VCAN: variants seen among roughly 807,000 people sequenced by gnomAD.
The protein encoded by VCAN is versican, also known as versican core protein.
Under a neutral mutation model 245.5 loss-of-function variants are expected in VCAN, and 44 were observed. That is an observed-to-expected ratio of 0.18 (90% confidence interval 0.14 to 0.23). VCAN has a LOEUF of 0.23. Among genes scored for constraint, VCAN ranks in the 10% least tolerant of loss-of-function variants. The pLI, the probability that VCAN is intolerant of heterozygous loss-of-function variation, is 1.00. For missense variants in VCAN, 3,793 were observed against 4,057.9 expected, an observed-to-expected ratio of 0.93 and a Z score of 1.77; for synonymous variants, 1,413 against 1,437.0, an observed-to-expected ratio of 0.98 and a Z score of 0.38.
chr5:83,541,359 C>G lies in VCAN; in HGVS notation c.8356C>G (p.His2786Asp). Residue 2786 changes from histidine (H) to aspartate (D), a missense_variant, in exon 8 of 15, where the codon CAC (histidine) becomes GAC (aspartate). Transcript: ENST00000265077. ...TCCCTATCTAAGTATTGCTACTACCCACCTTATGGATCAGAGTGTAACAGA... is the reference window on the plus strand; with the variant it reads ...TCCCTATCTAAGTATTGCTACTACCGACCTTATGGATCAGAGTGTAACAGA... ...HTPYLSIATTHLMDQSVTEVP... is the reference protein window; with the variant it reads ...HTPYLSIATTDLMDQSVTEVP... The G allele has an allele frequency of 6.2e-7, 1 of 1,614,112 alleles. No homozygotes were observed. The highest frequency in any genetic ancestry group is 2.2e-5 in the East Asian group (1 of 44,870).
chr5:83,575,329 C>G lies in VCAN; in HGVS notation c.9880+2769C>G, dbSNP rs76596629. Among the ~76,000 whole-genome samples, 358 of 152,242 alleles carry G rather than the reference C, an allele frequency of 2.4e-3. 2 individuals are homozygous for G. The highest frequency in any genetic ancestry group is 7.9e-3 in the African/African-American group (329 of 41,562). On this transcript the variant is annotated intron_variant, in intron 13 of 14. Transcript: ENST00000265077. ...TTTCTACATGAGAAGCTTTCCTGAC[C>G]ATGTCCCTTACTTCAGCACCTCTGC...
intron 5 of VCAN, among the ~76,000 whole-genome samples, chr5:83,502,857 G>C (rs556328962): frequency 6.6e-6 from 1 of 152,094 alleles, no homozygotes; most frequent in East Asian, 1.9e-4. Flanking sequence ...TAATACAAGG[G>C]AGAAATTTGG....
chr5:83,564,324 G>A (rs921484253), intron 12 of VCAN, among the ~76,000 whole-genome samples: 6 of 152,036 alleles, frequency 3.9e-5, no homozygotes, highest in South Asian at 2.1e-4. Context: ...CCTAGTGGTC[G>A]TATTGTATTT....
In VCAN at chr5:83,541,400, G is replaced by A. The variant is rs763831571; in HGVS notation, c.8397G>A (p.Met2799Ile). 1 of 1,614,044 alleles carries A rather than the reference G, an allele frequency of 6.2e-7. No homozygotes were observed. The highest frequency in any genetic ancestry group is 8.5e-7 in the Non-Finnish European group (1 of 1,179,978). Residue 2799 changes from methionine to isoleucine, a missense_variant, in exon 8 of 15, where the codon ATG becomes ATA. Coordinates refer to ENST00000265077, the MANE Select transcript of VCAN (RefSeq NM_004385.5). ...GTGTAACAGAGGTGCCTGATGTGAT[G>A]GAAGGATCCAATCCCCCATATTACA... is the stretch of plus-strand genomic sequence containing the variant. ...DQSVTEVPDV[M>I]EGSNPPYYTD...
intron 7 of VCAN, among the ~76,000 whole-genome samples, chr5:83,529,388 A>G (rs1358182596): frequency 6.6e-6 from 1 of 151,542 alleles, no homozygotes; most frequent in Admixed American, 6.6e-5. Context: ...GCAATAAAAA[A>G]TAACACAAAT....
chr5:83,542,365 C>A, intron 8 of VCAN, 97 bp downstream of exon 8: 1 of 1,294,264 alleles, frequency 7.7e-7, no homozygotes, highest in South Asian at 1.2e-5. Flanking sequence ...GATGTTAAAT[C>A]AATGGAGAGT....
chr5:83,512,896 A>G (rs1745711792), intron 6 of VCAN: 1 of 154,582 alleles, frequency 6.5e-6, no homozygotes, highest in East Asian at 1.9e-4. Context: ...CTAAAAATGA[A>G]CCATACTATC....
intron 13 of VCAN, among the ~76,000 whole-genome samples, chr5:83,575,891 T>C (rs765007717): frequency 7.9e-5 from 12 of 152,152 alleles, no homozygotes; most frequent in Non-Finnish European, 1.5e-4. Flanking sequence ...AACCCTATTT[T>C]TGCATTTTAT....
intron 12 of VCAN, among the ~76,000 whole-genome samples, chr5:83,564,681 G>GT (rs71605860): frequency 0.089 from 9,202 of 102,874 alleles, 869 homozygotes; most frequent in African/African-American, 0.23. Context: ...TTTTTTAGAT[G>GT]TTTTTTTTTT....
rs952400776 is a variant in VCAN at position 83,540,704 on chromosome 5, A to G, written c.7701A>G (p.Leu2567=). 4 of 1,614,004 alleles carry G rather than the reference A, an allele frequency of 2.5e-6. No homozygotes were observed. Among genetic ancestry groups the G allele is most frequent in the African/African-American group, 2.7e-5 (2 of 75,032 alleles). The change falls in exon 8 of 15, where the codon CTA becomes CTG. Residue 2567 remains leucine (L), a synonymous_variant. Coordinates refer to ENST00000265077, the MANE Select transcript of VCAN (RefSeq NM_004385.5). ...TITESTILEI[L]PELTSDKNTI... ...CAGAGAGTACCATCCTTGAAATTCTACCTGAGCTGACATCGGATAAAAATA... is the reference window on the plus strand; with the variant it reads ...CAGAGAGTACCATCCTTGAAATTCTGCCTGAGCTGACATCGGATAAAAATA...
intron 10 of VCAN, among the ~76,000 whole-genome samples, chr5:83,552,920 T>G (rs904968700): frequency 5.3e-5 from 8 of 152,234 alleles, no homozygotes; most frequent in Admixed American, 5.2e-4. Flanking sequence ...AGAGGACTAC[T>G]TCCAGAACCT....
In VCAN at chr5:83,506,150, G is replaced by A. The variant is rs574934934; in HGVS notation, c.749-5953G>A. Reference sequence around the variant, plus strand: ...GAAGACATTTTATCCACGGTCTTGGGGATTAACGTTAGGCTCCTTGCTACT... The same window carrying A: ...GAAGACATTTTATCCACGGTCTTGGAGATTAACGTTAGGCTCCTTGCTACT... On this transcript the variant is annotated intron_variant, in intron 5 of 14. Coordinates refer to ENST00000265077, the MANE Select transcript of VCAN (RefSeq NM_004385.5). Among the ~76,000 whole-genome samples, 3 of 152,326 alleles carry A rather than the reference G, an allele frequency of 2.0e-5. No individual in the cohort carries two copies. In the South Asian group the frequency reaches 6.2e-4, roughly 32 times the overall value.
chr5:83,562,807 C>A (rs1246465823), intron 12 of VCAN, among the ~76,000 whole-genome samples: 1 of 151,618 alleles, frequency 6.6e-6, no homozygotes, highest in Non-Finnish European at 1.5e-5. Context: ...ATGCAAGTTG[C>A]TCTCTGGGCC....
chr5:83,540,921 G>A lies in VCAN; in HGVS notation c.7918G>A (p.Ala2640Thr). Residue 2640 changes from alanine to threonine, a missense_variant, in exon 8 of 15, where the codon GCT becomes ACT. Coordinates refer to ENST00000265077, the MANE Select transcript of VCAN (RefSeq NM_004385.5). ...SLTEETFEGS[A>T]DVLASYTQAT... Reference sequence around the variant, plus strand: ...AACTGAGGAAACATTTGAGGGCTCTGCTGATGTTCTGGCTAGCTACACTCA... The same window carrying A: ...AACTGAGGAAACATTTGAGGGCTCTACTGATGTTCTGGCTAGCTACACTCA... 6.2e-7 allele frequency: 1 copy of A among 1,614,008 alleles called. No individual in the cohort carries two copies. Among genetic ancestry groups the A allele is most frequent in the East Asian group, 2.2e-5 (1 of 44,860 alleles).
intron 7 of VCAN, among the ~76,000 whole-genome samples, chr5:83,529,009 C>CACACACACACAG (rs1172140131): frequency 6.6e-6 from 1 of 151,684 alleles, no homozygotes; most frequent in Non-Finnish European, 1.5e-5. Context: ...CACACACACA[C>CACACACACACAG]ACACACACAC....
chr5:83,483,968 G>T (rs902688695), intron 2 of VCAN, among the ~76,000 whole-genome samples: 1 of 152,154 alleles, frequency 6.6e-6, no homozygotes, highest in South Asian at 2.1e-4. Context: ...GAATTGAGAA[G>T]ATAAAGAGAA....
At chr5:83,559,393 T>C (rs1354549912) in intron 12 of VCAN, among the ~76,000 whole-genome samples, 1 of 152,114 alleles carries the variant, frequency 6.6e-6, no homozygotes, top group Admixed American at 6.6e-5. Flanking sequence ...GTATAAAATG[T>C]TAATTATTAG....
rs145162690 is a variant in VCAN at position 83,545,553 on chromosome 5, A to G, written c.9282A>G (p.Lys3094=). 1.2e-6 allele frequency: 2 copies of G among 1,614,018 alleles called. No homozygotes were observed. The highest frequency in any genetic ancestry group is 1.3e-5 in the African/African-American group (1 of 74,944). The change falls in exon 9 of 15, where the codon AAA becomes AAG. Residue 3094 remains lysine (K), a synonymous_variant. Coordinates refer to ENST00000265077, the MANE Select transcript of VCAN (RefSeq NM_004385.5). ...AIYLPGPDRC[K]MNPCLNGGTC... is the part of the protein sequence containing the mutation. ...ATATGGTAGGACCTGATCGCTGCAA[A>G]ATGAACCCGTGCCTTAACGGAGGCA...
chr5:83,518,072 A>G (rs115013630), intron 6 of VCAN, among the ~76,000 whole-genome samples: 1 of 152,166 alleles, frequency 6.6e-6, no homozygotes, highest in East Asian at 1.9e-4. Flanking sequence ...GATACTATAG[A>G]TACTATGGCT....
Sources: allele counts gnomAD v4.1 joint callset (sites outside exome capture counted in the v4.1 genomes callset), GRCh38; gene constraint gnomAD v4.1.1; transcripts MANE v1.5; gene names NCBI Gene and HGNC (gene_info 2026-07-23, HGNC 2026-07-21).